LAMA4: variants seen among roughly 807,000 people sequenced by gnomAD.
The protein encoded by LAMA4 is laminin subunit alpha 4.
Under a neutral mutation model 207.1 loss-of-function variants are expected in LAMA4, and 127 were observed. The ratio of observed to expected loss-of-function variants is 0.61; its 90% confidence interval spans 0.53 to 0.71. The LOEUF is 0.71. Ranked by LOEUF, LAMA4 falls within the 30% of genes least tolerant of loss-of-function variation. The pLI, the probability that LAMA4 is intolerant of heterozygous loss-of-function variation, is 0.00. For synonymous variants in LAMA4, 761 were observed against 816.0 expected, an observed-to-expected ratio of 0.93 and a Z score of 1.15; for missense variants, 2,093 against 2,246.5, an observed-to-expected ratio of 0.93 and a Z score of 1.38.
chr6:112,210,863 G>A (rs75194919), intron 3 of LAMA4, among the ~76,000 whole-genome samples: 1,844 of 152,002 alleles, frequency 0.012, 40 homozygotes, highest in African/African-American at 0.041. Context: ...TCTTAACATG[G>A]AATTGGTATA....
At position 112,109,276 on chromosome 6, in the gene LAMA4, T is replaced by C; in HGVS notation, c.*161A>G. On this transcript the variant is annotated 3_prime_UTR_variant, in exon 39 of 39. Transcript: ENST00000230538. ...TTGGATTCAAGGTTAAGAATCCAAA[T>C]GAGAAATAAGAAATATCCGGTCCCT... The C allele has an allele frequency of 1.2e-6, 1 of 800,704 alleles. No homozygotes were observed. Among genetic ancestry groups the C allele is most frequent in the Non-Finnish European group, 2.0e-6 (1 of 496,468 alleles). 49.6% of individuals were successfully genotyped at this position (800,704 alleles called of 1,614,324 possible).
At chr6:112,227,053 AT>A (rs1554362772) in intron 2 of LAMA4, among the ~76,000 whole-genome samples, 21 of 147,010 alleles carry the variant, frequency 1.4e-4, no homozygotes, top group Admixed American at 1.4e-3. Flanking sequence ...TTATTTATTT[AT>A]TTATTTATTT....
chr6:112,162,965 C>CTTTTTT (rs34824903), intron 13 of LAMA4, among the ~76,000 whole-genome samples: 12 of 91,248 alleles, frequency 1.3e-4, no homozygotes, highest in Non-Finnish European at 1.6e-4. Context: ...CAGCTCAAAT[C>CTTTTTT]TTTTTTTTTT....
At chr6:112,224,199 C>G (rs77652041) in intron 2 of LAMA4, among the ~76,000 whole-genome samples, 1 of 152,180 alleles carries the variant, frequency 6.6e-6, no homozygotes. Context: ...ACATCTTTAC[C>G]TGGGCTCAGA....
chr6:112,144,935 T>A lies in LAMA4; in HGVS notation c.2354-2A>T. 1 of 1,612,464 alleles carries A rather than the reference T, an allele frequency of 6.2e-7. No homozygotes were observed. The highest frequency in any genetic ancestry group is 8.5e-7 in the Non-Finnish European group (1 of 1,179,076). On this transcript the variant is annotated splice_acceptor_variant, in intron 18 of 38. Transcript: ENST00000230538. LOFTEE classifies it high-confidence loss of function. ...GGACAACCTCGGTCAGATTTCTTAC[T>A]GCAGTTAATAAAAATTAATCATTTA...
At chr6:112,146,808 T>C (rs1199532968) in intron 18 of LAMA4, among the ~76,000 whole-genome samples, 2 of 152,226 alleles carry the variant, frequency 1.3e-5, no homozygotes, top group African/African-American at 2.4e-5. Context: ...GTTTATTATA[T>C]TGATTAATAC....
intron 2 of LAMA4, among the ~76,000 whole-genome samples, chr6:112,246,523 T>G (rs1554188702): frequency 6.8e-6 from 1 of 148,004 alleles, no homozygotes; most frequent in African/African-American, 2.5e-5. Context: ...AAAGCTGCTT[T>G]TTTTTTTTTT....
At chr6:112,131,644 A>T (rs1779040107) in intron 28 of LAMA4, among the ~76,000 whole-genome samples, 1 of 152,128 alleles carries the variant, frequency 6.6e-6, no homozygotes, top group Admixed American at 6.6e-5. Context: ...CAACTTCTTA[A>T]GTCTGCCCTC....
chr6:112,253,663 GTGC>G, intron 2 of LAMA4: 1 of 1,372,348 alleles, frequency 7.3e-7, no homozygotes. Context: ...AGTCACCGAT[GTGC>G]TGCTGCAGTC....
intron 28 of LAMA4, among the ~76,000 whole-genome samples, chr6:112,131,887 C>T (rs1779055445): frequency 6.6e-6 from 1 of 152,088 alleles, no homozygotes. Flanking sequence ...TTGATGATGA[C>T]CTTTTCAGAG....
intron 2 of LAMA4, chr6:112,234,336 T>C (rs1347316725): frequency 1.2e-4 from 19 of 152,078 alleles, no homozygotes; most frequent in African/African-American, 4.6e-4. Context: ...TTCAATACTC[T>C]ACTGTCATCG....
intron 15 of LAMA4, 99 bp downstream of exon 15, chr6:112,155,466 G>A: frequency 7.4e-7 from 1 of 1,344,304 alleles, no homozygotes; most frequent in South Asian, 1.2e-5. Flanking sequence ...CACTCTTTCT[G>A]CCATTTGGAT....
chr6:112,218,171 T>G (rs1784734717), intron 2 of LAMA4: 2 of 152,166 alleles, frequency 1.3e-5, no homozygotes, highest in African/African-American at 4.8e-5. Flanking sequence ...ATAAGAGTAG[T>G]GGGTAAGAGT....
intron 2 of LAMA4, among the ~76,000 whole-genome samples, chr6:112,247,625 T>G (rs1787084043): frequency 6.6e-6 from 1 of 152,198 alleles, no homozygotes. Flanking sequence ...ACTCACAGGA[T>G]GCGTTTCTTT....
chr6:112,123,599 A>G (rs1778504930), intron 31 of LAMA4, among the ~76,000 whole-genome samples: 1 of 152,202 alleles, frequency 6.6e-6, no homozygotes, highest in Non-Finnish European at 1.5e-5. Context: ...TCTCAGAATT[A>G]CTTTCAAAAT....
chr6:112,248,909 A>G (rs1269238679), intron 2 of LAMA4, among the ~76,000 whole-genome samples: 1 of 152,240 alleles, frequency 6.6e-6, no homozygotes, highest in African/African-American at 2.4e-5. Context: ...AATGTCAATG[A>G]ACTCATCTGT....
At chr6:112,206,979 T>C (rs1554354482) in intron 4 of LAMA4, 42 bp downstream of exon 4, 2 of 1,603,122 alleles carry the variant, frequency 1.2e-6, no homozygotes, top group African/African-American at 2.9e-5. Flanking sequence ...AAACAATACA[T>C]AGACTGATCA....
intron 14 of LAMA4, among the ~76,000 whole-genome samples, chr6:112,157,645 A>G (rs1554337313): frequency 1.3e-5 from 2 of 152,228 alleles, no homozygotes. Flanking sequence ...GGCATTATAC[A>G]CAGAAGTTAT....
chr6:112,117,645 T>C lies in LAMA4; in HGVS notation c.4981+94A>G, dbSNP rs997850644. On this transcript the variant is annotated intron_variant, in intron 35 of 38. Coordinates refer to ENST00000230538, the MANE Select transcript of LAMA4 (RefSeq NM_001105206.3). The surrounding 1 kb of genome is among the most constrained non-coding windows in gnomAD (Gnocchi z 4.5). ...TCATCTTCTAGGGCTGAGTTTGGCATTCTTAAGTTTTAACTCTGGGCCTGA... is the reference window on the plus strand; with the variant it reads ...TCATCTTCTAGGGCTGAGTTTGGCACTCTTAAGTTTTAACTCTGGGCCTGA... The C allele has an allele frequency of 4.3e-5, 55 of 1,278,752 alleles. No homozygotes were observed. Among genetic ancestry groups the C allele is most frequent in the Non-Finnish European group, 5.0e-5 (44 of 881,474 alleles). 79.2% of individuals were successfully genotyped at this position (1,278,752 alleles called of 1,614,324 possible). A position where few individuals can be genotyped will look rare whatever the true frequency, so the allele number is the denominator to read the frequency against.
Sources: gnomAD v4.1 joint callset for allele counts (sites outside exome capture counted in the v4.1 genomes callset) on GRCh38, gnomAD v4.1.1 for gene constraint, Gnocchi (gnomAD v3.1) non-coding constraint, MANE v1.5 for transcripts, NCBI Gene and HGNC (gene_info 2026-07-23, HGNC 2026-07-21) for gene names.